The following NR6A1 variants were observed in gnomAD, a reference collection of about 807,000 sequenced individuals.
NR6A1 encodes retinoic acid receptor-related testis-associated receptor.
Under a neutral mutation model 59.1 loss-of-function variants are expected in NR6A1, and 7 were observed. The observed-to-expected ratio is 0.12, with a 90% confidence interval of 0.07 to 0.22. The LOEUF (loss-of-function observed/expected upper bound fraction) is 0.22. Among genes scored for constraint, NR6A1 ranks in the 10% least tolerant of loss-of-function variants. The pLI is 1.00. For synonymous variants in NR6A1, 243 were observed against 236.1 expected (o/e 1.03, Z -0.27); for missense variants, 468 against 611.6 (o/e 0.77, Z 2.48).
intron 1 of NR6A1, among the ~76,000 whole-genome samples, chr9:124,734,879 A>G (rs908437813): frequency 4.9e-4 from 74 of 151,950 alleles, no homozygotes; most frequent in Non-Finnish European, 1.0e-4. Flanking sequence ...GTTTTGCTCT[A>G]TCGCCCAGGC....
At position 124,548,547 on chromosome 9, in the gene NR6A1, T is replaced by C. The variant is rs1310708842; in HGVS notation, c.386-4690A>G. ...GAAAATGTAAGAAATGTAAAAAAAA[T>C]GTTTGTAAGGAACACGAACTTTGAT... On this transcript the variant is annotated intron_variant, in intron 3 of 9. Coordinates refer to ENST00000487099, the MANE Select transcript of NR6A1 (RefSeq NM_033334.4). Among the ~76,000 whole-genome samples the C allele has an allele frequency of 2.0e-5, 3 of 151,988 alleles. No individual in the cohort carries two copies. In the East Asian group the frequency reaches 5.8e-4, roughly 29 times the overall value.
chr9:124,540,091 G>A lies in NR6A1; in HGVS notation c.538C>T (p.Pro180Ser), dbSNP rs746629597. 2 of 1,613,888 alleles carry A rather than the reference G, an allele frequency of 1.2e-6. No individual in the cohort carries two copies. Among genetic ancestry groups the A allele is most frequent in the Admixed American group, 1.7e-5 (1 of 59,984 alleles). The change falls in exon 5 of 10, where the codon CCT (proline) becomes TCT (serine). Residue 180 changes from proline (P) to serine (S), a missense_variant. Physicochemically the swap from Pro to Ser is moderately conservative, Grantham distance 74 (BLOSUM62 -1). Transcript: ENST00000487099. The stretch of plus-strand genomic sequence containing the variant: ...TTGCTCTCCGAAGCCCTGTTCCCAG[G>A]GGAACTGTGGTCACTATCACCATGG... ...SNHGDSDHSSPGNRASESNQP... is the reference protein window; with the variant it reads ...SNHGDSDHSSSGNRASESNQP...
rs1361560522 is a variant in NR6A1 at position 124,557,326 on chromosome 9, G to A, written c.143-2756C>T. Among the ~76,000 whole-genome samples, 5 of 152,118 alleles carry A rather than the reference G, an allele frequency of 3.3e-5. No homozygotes were observed. The East Asian group carries it at 5.8e-4, about 18-fold the overall frequency. On this transcript the variant is annotated intron_variant, in intron 2 of 9. Transcript: ENST00000487099. The stretch of plus-strand genomic sequence containing the variant: ...ATTTTTGTATTTTCAGTAGAGATGG[G>A]GTTTCACCATGTTGGCCAGGCTGGT...
intron 2 of NR6A1, among the ~76,000 whole-genome samples, chr9:124,710,023 T>C (rs1839231280): frequency 6.6e-6 from 1 of 152,058 alleles, no homozygotes; most frequent in Admixed American, 6.6e-5. Flanking sequence ...TTTCTGTTCC[T>C]TGCCATTGAA....
At chr9:124,729,366 T>G (rs2131118308) in intron 2 of NR6A1, among the ~76,000 whole-genome samples, 1 of 152,278 alleles carries the variant, frequency 6.6e-6, no homozygotes, top group South Asian at 2.1e-4. Context: ...AAAGTTCGGT[T>G]AAAATGATCA....
At chr9:124,682,035 C>T (rs1838179278) in intron 2 of NR6A1, among the ~76,000 whole-genome samples, 1 of 151,898 alleles carries the variant, frequency 6.6e-6, no homozygotes, top group South Asian at 2.1e-4. Context: ...GCTCTTGTTG[C>T]CCAGGCTGGA....
intron 2 of NR6A1, among the ~76,000 whole-genome samples, chr9:124,697,406 A>G (rs1167426667): frequency 6.6e-6 from 1 of 152,124 alleles, no homozygotes; most frequent in East Asian, 1.9e-4. Flanking sequence ...AAAGTAAGGT[A>G]CTATGAGAGC....
At chr9:124,754,629 C>G (rs1840589731) in intron 1 of NR6A1, among the ~76,000 whole-genome samples, 1 of 152,034 alleles carries the variant, frequency 6.6e-6, no homozygotes, top group Non-Finnish European at 1.5e-5. Flanking sequence ...TTAAGAAAAA[C>G]GAGATGAACA....
At chr9:124,645,766 G>A (rs753603003) in intron 2 of NR6A1, among the ~76,000 whole-genome samples, 2 of 152,144 alleles carry the variant, frequency 1.3e-5, no homozygotes, top group Non-Finnish European at 2.9e-5. Flanking sequence ...CCAATCTTTT[G>A]GATATAACTG....
chr9:124,529,428 G>A (rs1414859369), intron 7 of NR6A1, among the ~76,000 whole-genome samples: 1 of 152,116 alleles, frequency 6.6e-6, no homozygotes, highest in Non-Finnish European at 1.5e-5. Context: ...TTACCTTCCT[G>A]ATAACCTGGA....
In NR6A1 at chr9:124,747,187, C is replaced by CTTT. The variant is rs35429356; in HGVS notation, c.101-13841_101-13839dup. On this transcript the variant is annotated intron_variant, in intron 1 of 9. Transcript: ENST00000487099. Reference sequence around the variant, plus strand: ...AGATGATTATACAGACCTTGTCTGACTTTTTTTTTTTTTTTTTTTTGAGAC... The same window carrying CTTT: ...AGATGATTATACAGACCTTGTCTGACTTTTTTTTTTTTTTTTTTTTTTTGAGAC... Among the ~76,000 whole-genome samples, 39 of 122,474 alleles carry CTTT rather than the reference C, an allele frequency of 3.2e-4. 1 individual carries two copies. The highest frequency in any genetic ancestry group is 4.7e-4 in the East Asian group (2 of 4,242). 80.3% of individuals were successfully genotyped at this position (122,474 alleles called of 152,430 possible).
At chr9:124,541,895 C>T (rs1198282138) in intron 4 of NR6A1, among the ~76,000 whole-genome samples, 2 of 152,190 alleles carry the variant, frequency 1.3e-5, no homozygotes, top group African/African-American at 4.8e-5. Flanking sequence ...GATGACATTA[C>T]ACCAAGTGCA....
intron 1 of NR6A1, among the ~76,000 whole-genome samples, chr9:124,738,571 G>GA (rs1246744487): frequency 6.6e-6 from 1 of 151,976 alleles, no homozygotes; most frequent in African/African-American, 2.4e-5. Flanking sequence ...AATGCGTACT[G>GA]AAAAAAGGAC....
At chr9:124,587,920 T>C (rs1704794888) in intron 2 of NR6A1, among the ~76,000 whole-genome samples, 1 of 152,086 alleles carries the variant, frequency 6.6e-6, no homozygotes, top group Non-Finnish European at 1.5e-5. Context: ...TAGGTTGGAG[T>C]GCAATGGCAA....
At chr9:124,654,785 C>T (rs1483383520) in intron 2 of NR6A1, among the ~76,000 whole-genome samples, 1 of 151,938 alleles carries the variant, frequency 6.6e-6, no homozygotes, top group Non-Finnish European at 1.5e-5. Flanking sequence ...TTTTCTGTCT[C>T]CCCATTAGAA....
intron 7 of NR6A1, among the ~76,000 whole-genome samples, chr9:124,531,793 T>C (rs1212551112): frequency 6.6e-6 from 1 of 152,162 alleles, no homozygotes; most frequent in African/African-American, 2.4e-5. Flanking sequence ...TCACCAACAT[T>C]TTCCACTCGC....
At chr9:124,599,419 C>T (rs1363752743) in intron 2 of NR6A1, 1 of 291,508 alleles carries the variant, frequency 3.4e-6, no homozygotes, top group Non-Finnish European at 6.2e-6. Context: ...TACATGGTCT[C>T]AAAAAAAAAA....
chr9:124,706,786 T>C (rs1588811367), intron 2 of NR6A1, among the ~76,000 whole-genome samples: 1 of 152,206 alleles, frequency 6.6e-6, no homozygotes, highest in South Asian at 2.1e-4. Flanking sequence ...AAAGTGCTGA[T>C]ATTACAGGCG....
chr9:124,656,739 G>A (rs1259559199), intron 2 of NR6A1, among the ~76,000 whole-genome samples: 1 of 152,174 alleles, frequency 6.6e-6, no homozygotes, highest in African/African-American at 2.4e-5. Context: ...GGCTGAGGAA[G>A]GAGAATTGCT....
Sources: allele counts gnomAD v4.1 joint callset (sites outside exome capture counted in the v4.1 genomes callset), GRCh38; gene constraint gnomAD v4.1.1; transcripts MANE v1.5; gene names NCBI Gene and HGNC (gene_info 2026-07-23, HGNC 2026-07-21).